Variants in CUEDC2 observed in about 807,000 individuals in gnomAD.
The protein encoded by CUEDC2 is CUE domain containing 2.
A neutral mutation model predicts 36.0 loss-of-function variants in CUEDC2; 10 were observed. The ratio of observed to expected loss-of-function variants is 0.28; its 90% confidence interval spans 0.17 to 0.47. The LOEUF (loss-of-function observed/expected upper bound fraction) is 0.47. CUEDC2 is among the 20% of genes least tolerant of loss of function. CUEDC2 has a pLI of 0.99. For synonymous variants in CUEDC2, 133 were observed against 141.8 expected, an observed-to-expected ratio of 0.94 and a Z score of 0.44; for missense variants, 269 against 368.1, an observed-to-expected ratio of 0.73 and a Z score of 2.20.
intron 1 of CUEDC2, among the ~76,000 whole-genome samples, chr10:102,425,966 G>A (rs1384415665): frequency 1.3e-5 from 2 of 152,050 alleles, no homozygotes; most frequent in African/African-American, 2.4e-5. Context: ...TCAGGGCTCC[G>A]CTCAAATGTT....
rs775633568 is a variant in CUEDC2 at position 102,423,791 on chromosome 10, G to A, written c.656+7C>T. 7.4e-6 allele frequency: 12 copies of A among 1,613,820 alleles called. No homozygotes were observed. Among genetic ancestry groups the A allele is most frequent in the Admixed American group, 1.7e-5 (1 of 59,986 alleles). On this transcript the variant is annotated splice_region_variant and intron_variant, in intron 7 of 8. Transcript: ENST00000369937. This position sits in a 1 kb window ranked among gnomAD's most constrained non-coding sequence, Gnocchi z 5.6. ...CTAGGGCCCAGCCCAGCCCAGCCCA[G>A]ACTCACTTCTGCAGGATGAAGGACT... is the stretch of plus-strand genomic sequence containing the variant.
intron 2 of CUEDC2, 74 bp downstream of exon 2, chr10:102,425,041 G>T: frequency 7.7e-7 from 1 of 1,304,996 alleles, no homozygotes; most frequent in Non-Finnish European, 1.1e-6. Context: ...CTTTCCATCA[G>T]CCAGTACCCA....
At chr10:102,427,744 T>A (rs1044646714) in intron 1 of CUEDC2, among the ~76,000 whole-genome samples, 2 of 151,902 alleles carry the variant, frequency 1.3e-5, no homozygotes, top group African/African-American at 2.4e-5. Flanking sequence ...AGCTGTGTGA[T>A]CTTTACAAAA....
At chr10:102,430,938 G>A (rs1175877562) in intron 1 of CUEDC2, among the ~76,000 whole-genome samples, 1 of 152,188 alleles carries the variant, frequency 6.6e-6, no homozygotes, top group African/African-American at 2.4e-5. Flanking sequence ...AGAGATCATT[G>A]GTTGATGGTG....
intron 1 of CUEDC2, among the ~76,000 whole-genome samples, chr10:102,431,775 C>T (rs901110254): frequency 6.6e-6 from 1 of 152,212 alleles, no homozygotes; most frequent in Non-Finnish European, 1.5e-5. Flanking sequence ...ACTGCCCCAC[C>T]TTCACTGCTC....
intron 1 of CUEDC2, among the ~76,000 whole-genome samples, chr10:102,431,291 C>T (rs1360681778): frequency 2.2e-4 from 33 of 152,198 alleles, no homozygotes; most frequent in Non-Finnish European, 1.5e-5. Flanking sequence ...AGTCGCATGC[C>T]ACCATGCCTG....
chr10:102,424,304 G>A lies in CUEDC2; in HGVS notation c.371C>T (p.Thr124Ile), dbSNP rs2061587249. The change falls in exon 5 of 9, where the codon ACT becomes ATT. Residue 124 changes from threonine (T) to isoleucine (I), a missense_variant. Thr to Ile is a moderately conservative substitution (Grantham distance 89). Transcript: ENST00000369937. The surrounding 1 kb of genome is among the most constrained non-coding windows in gnomAD (Gnocchi z 4.2). Reference protein sequence around the residue: ...LQRPEMLKEETRSSAAAAADT... With the variant: ...LQRPEMLKEEIRSSAAAAADT... Reference sequence around the variant, plus strand: ...TGCAGCAGCAGCAGCCGAAGACCTAGTCTCTTCTTTGAGCATTTCGGGCCG... The same window carrying A: ...TGCAGCAGCAGCAGCCGAAGACCTAATCTCTTCTTTGAGCATTTCGGGCCG... 1 of 1,614,026 alleles carries A rather than the reference G, an allele frequency of 6.2e-7. No individual in the cohort carries two copies. The highest frequency in any genetic ancestry group is 1.3e-5 in the African/African-American group (1 of 74,918).
At chr10:102,427,844 G>A (rs1411647754) in intron 1 of CUEDC2, among the ~76,000 whole-genome samples, 6 of 152,086 alleles carry the variant, frequency 3.9e-5, no homozygotes, top group East Asian at 3.8e-4. Context: ...TTCCATTGCC[G>A]TCCTTACCCT....
intron 1 of CUEDC2, among the ~76,000 whole-genome samples, chr10:102,429,021 C>CAAAAAAAA (rs11352968): frequency 9.8e-6 from 1 of 102,158 alleles, no homozygotes; most frequent in African/African-American, 4.4e-5. Flanking sequence ...GACTTTGTCT[C>CAAAAAAAA]AAAAAAAAAA....
chr10:102,429,812 A>G (rs1159235229), intron 1 of CUEDC2, among the ~76,000 whole-genome samples: 1 of 96,646 alleles, frequency 1.0e-5, no homozygotes, highest in African/African-American at 4.0e-5. Context: ...ATGAAAGCCC[A>G]GTTTCTTTCT....
At chr10:102,425,041 G>GCCAGTAC in intron 2 of CUEDC2, 74 bp downstream of exon 2, 1 of 1,305,000 alleles carries the variant, frequency 7.7e-7, no homozygotes. Flanking sequence ...CTTTCCATCA[G>GCCAGTAC]CCAGTACCCA....
chr10:102,423,326 A>AG lies in CUEDC2; in HGVS notation c.*99dup. ...ACACTATGGAGCAAAGGAGTAGAGAAGGGGGACAGGAGTTAGGGGGCCCCT... is the reference window on the plus strand; with the variant it reads ...ACACTATGGAGCAAAGGAGTAGAGAAGGGGGGACAGGAGTTAGGGGGCCCCT... On this transcript the variant is annotated 3_prime_UTR_variant, in exon 9 of 9. Transcript: ENST00000369937. The surrounding 1 kb of genome is among the most constrained non-coding windows in gnomAD (Gnocchi z 5.6). 7.2e-7 allele frequency: 1 copy of AG among 1,395,410 alleles called. No homozygotes were observed. Among genetic ancestry groups the AG allele is most frequent in the Non-Finnish European group, 1.0e-6 (1 of 993,486 alleles). 86.4% of individuals were successfully genotyped at this position (1,395,410 alleles called of 1,614,324 possible).
In CUEDC2 at chr10:102,423,291, G is replaced by T; in HGVS notation, c.*135C>A. On this transcript the variant is annotated 3_prime_UTR_variant, in exon 9 of 9. Transcript: ENST00000369937. The surrounding 1 kb of genome is among the most constrained non-coding windows in gnomAD (Gnocchi z 5.6). ...ACTGTGCCCATGGAGGCAGCTCCGA[G>T]AGTAGGTTAACACTATGGAGCAAAG... is the stretch of plus-strand genomic sequence containing the variant. 1 of 1,148,914 alleles carries T rather than the reference G, an allele frequency of 8.7e-7. No homozygotes were observed. Among genetic ancestry groups the T allele is most frequent in the Non-Finnish European group, 1.3e-6 (1 of 794,738 alleles). The allele number at this position is 1,148,914 out of a possible 1,614,324, so 71.2% of individuals were successfully genotyped here. A position where few individuals can be genotyped will look rare whatever the true frequency, so the allele number is the denominator to read the frequency against.
chr10:102,429,804 G>A (rs1307988803), intron 1 of CUEDC2, among the ~76,000 whole-genome samples: 1 of 131,566 alleles, frequency 7.6e-6, no homozygotes, highest in East Asian at 2.2e-4. Context: ...GCTGCTGCAT[G>A]AAAGCCCAGT....
chr10:102,430,458 C>T (rs117106761), intron 1 of CUEDC2, among the ~76,000 whole-genome samples: 45 of 152,350 alleles, frequency 3.0e-4, no homozygotes, highest in Non-Finnish European at 6.0e-4. Context: ...CGTGAGCCAC[C>T]GTGCCCGGCC....
Position 102,424,264 on chromosome 10 carries a change from C to T in CUEDC2, c.411G>A (p.Glu137=). ...CATCGGTACCCTCCTCTACCAGTAC[C>T]TCATCTTGGGTGTCTGCAGCAGCAG... ...SAAAAADTQD[E]ATGAEEELLP... The change falls in exon 5 of 9, where the codon GAG becomes GAA. Residue 137 remains glutamate, a splice_region_variant and synonymous_variant. Transcript: ENST00000369937. This position sits in a 1 kb window ranked among gnomAD's most constrained non-coding sequence, Gnocchi z 4.2. 6.2e-7 allele frequency: 1 copy of T among 1,613,416 alleles called. No individual in the cohort carries two copies. The highest frequency in any genetic ancestry group is 8.5e-7 in the Non-Finnish European group (1 of 1,179,664).
At chr10:102,431,168 C>T (rs2061615480) in intron 1 of CUEDC2, among the ~76,000 whole-genome samples, 1 of 152,218 alleles carries the variant, frequency 6.6e-6, no homozygotes, top group Non-Finnish European at 1.5e-5. Context: ...GAGACGGAGT[C>T]TCGCTCTGCC....
Position 102,424,567 on chromosome 10 carries a change from A to AGATGAGGGCAGTGAGAG in CUEDC2, c.219-24_219-8dup, listed in dbSNP as rs758937762. ...CATGTCCCCTATTGTGCCCCTGAAA[A>AGATGAGGGCAGTGAGAG]GATGAGGGCAGTGAGAGGATGACTC... On this transcript the variant is annotated splice_polypyrimidine_tract_variant and splice_region_variant and intron_variant, in intron 3 of 8. Coordinates refer to ENST00000369937, the MANE Select transcript of CUEDC2 (RefSeq NM_024040.3). The surrounding 1 kb of genome is among the most constrained non-coding windows in gnomAD (Gnocchi z 4.2). The AGATGAGGGCAGTGAGAG allele has an allele frequency of 6.2e-7, 1 of 1,614,132 alleles. No homozygotes were observed. The highest frequency in any genetic ancestry group is 1.1e-5 in the South Asian group (1 of 91,084).
chr10:102,425,020 C>G (rs1362329998), intron 2 of CUEDC2, 95 bp downstream of exon 2: 2 of 1,127,828 alleles, frequency 1.8e-6, no homozygotes, highest in Non-Finnish European at 2.6e-6. Context: ...CCTAGTCAGC[C>G]CTCCTGCTGT....
Sources: gnomAD v4.1 joint callset for allele counts (sites outside exome capture counted in the v4.1 genomes callset) on GRCh38, gnomAD v4.1.1 for gene constraint, Gnocchi (gnomAD v3.1) non-coding constraint, MANE v1.5 for transcripts, NCBI Gene and HGNC (gene_info 2026-07-23, HGNC 2026-07-21) for gene names.